Variants in RPL17 observed in about 807,000 individuals in gnomAD.
RPL17 encodes ribosomal protein L17, also known as large ribosomal subunit protein uL22.
Under a neutral mutation model 27.7 loss-of-function variants are expected in RPL17, and 2 were observed. That is an observed-to-expected ratio of 0.07 (90% confidence interval 0.03 to 0.23). RPL17 has a LOEUF of 0.23. RPL17 is among the 10% of genes least tolerant of loss of function. RPL17 has a pLI of 1.00. For synonymous variants in RPL17, 76 were observed against 75.5 expected (o/e 1.01, Z -0.03); for missense variants, 141 against 238.8 (o/e 0.59, Z 2.70).
chr18:49,489,064 A>T (rs563605481), intron 6 of RPL17: 1 of 280,994 alleles, frequency 3.6e-6, no homozygotes, highest in African/African-American at 2.2e-5. Context: ...ACGCCCAGCT[A>T]ATTTTTTTTT....
intron 1 of RPL17, 67 bp downstream of exon 1, chr18:49,492,391 C>G (rs1036268398): frequency 6.6e-6 from 1 of 152,500 alleles, no homozygotes; most frequent in African/African-American, 2.4e-5. Flanking sequence ...GCCGGCGCCC[C>G]CGAAGCCAGG....
rs1362637179 is a variant in RPL17, at chr18:49,489,656, G to A, written c.316-106C>T. The stretch of plus-strand genomic sequence containing the variant: ...ATTCCCAGGCTTGCTCCAGAGTCCT[G>A]CCTCAATGAAATCATTTTTAAAAGG... On this transcript the variant is annotated intron_variant, in intron 5 of 6. Coordinates refer to ENST00000580261, the MANE Select transcript of RPL17 (RefSeq NM_001035006.5). 2.0e-5 allele frequency: 24 copies of A among 1,185,974 alleles called. No homozygotes were observed. In the East Asian group the frequency reaches 3.7e-4, roughly 18 times the overall value. 73.5% of individuals were successfully genotyped at this position (1,185,974 alleles called of 1,614,324 possible).
rs975534555 is a variant in RPL17 at position 49,490,710 on chromosome 18, G to T, written c.216+83C>A. On this transcript the variant is annotated intron_variant, in intron 4 of 6. Coordinates refer to ENST00000580261, the MANE Select transcript of RPL17 (RefSeq NM_001035006.5). ...ACAGCAACCAGAAATAGGTTCATCA[G>T]CACAGATCTTAGCCATTCTTATCCT... The T allele has an allele frequency of 2.5e-6, 4 of 1,602,212 alleles. No homozygotes were observed. In the African/African-American group the frequency reaches 5.4e-5, roughly 21 times the overall value.
intron 5 of RPL17, 44 bp downstream of exon 5, chr18:49,490,410 T>G (rs780070455): frequency 1.3e-6 from 2 of 1,598,838 alleles, no homozygotes; most frequent in Admixed American, 1.7e-5. Context: ...CAACATTAAT[T>G]AAACAACCAC....
Position 49,492,098 on chromosome 18 carries a change from C to A in RPL17, c.-14+360G>T, listed in dbSNP as rs373998399. The A allele has an allele frequency of 2.2e-4, 45 of 205,158 alleles. No individual in the cohort carries two copies. In the South Asian group the frequency reaches 3.4e-3, roughly 16 times the overall value. The allele number at this position is 205,158 out of a possible 1,614,324, so 12.7% of individuals were successfully genotyped here. On this transcript the variant is annotated intron_variant, in intron 1 of 6. Coordinates refer to ENST00000580261, the MANE Select transcript of RPL17 (RefSeq NM_001035006.5). ...GCCTCCACCCGACTTTTCTTTCCCC[C>A]AAAACTTTTTCCTCGTTGCGGCCAC...
rs779684897 is a variant in RPL17, at chr18:49,490,511, C to G, written c.258G>C (p.Lys86Asn). The G allele has an allele frequency of 6.2e-7, 1 of 1,613,976 alleles. No homozygotes were observed. The highest frequency in any genetic ancestry group is 2.2e-5 in the East Asian group (1 of 44,888). Residue 86 changes from lysine (K) to asparagine (N), a missense_variant, in exon 5 of 7, where the codon AAG (lysine) becomes AAC (asparagine). Physicochemically the swap from Lys to Asn is moderately conservative, Grantham distance 94. Transcript: ENST00000580261. ...WGWTQGRWPK[K>N]SAEFLLHMLK... ...GCATGTGCAGCAAAAATTCAGCACT[C>G]TTTTTGGGCCACCGACCTTGTGTCC... is the stretch of plus-strand genomic sequence containing the variant.
chr18:49,491,022 G>C, intron 3 of RPL17, 95 bp from the exon 4 acceptor site: 2 of 1,568,040 alleles, frequency 1.3e-6, no homozygotes, highest in South Asian at 1.1e-5. Flanking sequence ...TCAAAATGTC[G>C]AGTTATTTCT....
At chr18:49,489,622 T>C in intron 5 of RPL17, 72 bp from the exon 6 acceptor site, 1 of 1,485,762 alleles carries the variant, frequency 6.7e-7, no homozygotes, top group Admixed American at 1.8e-5. Context: ...CTATCATTGC[T>C]AAATATGAAT....
At chr18:49,490,240 C>G (rs920057718) in intron 5 of RPL17, 11 of 540,550 alleles carry the variant, frequency 2.0e-5, no homozygotes, top group Non-Finnish European at 3.6e-5. Flanking sequence ...AAAGAGACCA[C>G]AGAGCACGCT....
At chr18:49,491,508 G>A (rs1283664745) in intron 2 of RPL17, 24 bp downstream of exon 2, 10 of 1,614,116 alleles carry the variant, frequency 6.2e-6, no homozygotes, top group Non-Finnish European at 8.5e-6. Flanking sequence ...GTAGGAAATG[G>A]GTATCTACCT....
chr18:49,492,216 C>G (rs1432122142), intron 1 of RPL17: 3 of 155,044 alleles, frequency 1.9e-5, no homozygotes, highest in African/African-American at 7.2e-5. Flanking sequence ...AGTGGAGGAG[C>G]CCGGTAGTCC....
chr18:49,491,155 G>A, intron 3 of RPL17: 1 of 890,376 alleles, frequency 1.1e-6, no homozygotes, highest in East Asian at 2.4e-5. Flanking sequence ...CCATCATCAT[G>A]TAATTACAAT....
chr18:49,491,067 GACTAAAAGC>G, intron 3 of RPL17, 140 bp from the exon 4 acceptor site: 1 of 1,371,676 alleles, frequency 7.3e-7, no homozygotes. Flanking sequence ...AAAAACTTGT[GACTAAAAGC>G]CAGGTAAACT....
rs2148817374 is a variant in RPL17, at chr18:49,489,345, A to G, written c.507+14T>C. 1 of 1,613,722 alleles carries G rather than the reference A, an allele frequency of 6.2e-7. No homozygotes were observed. ...TCTACTATCACAAACAAAACCGAGC[A>G]ACTACTTATTTACCTTTTTCTTCTG... On this transcript the variant is annotated intron_variant, in intron 6 of 6. Coordinates refer to ENST00000580261, the MANE Select transcript of RPL17 (RefSeq NM_001035006.5).
chr18:49,491,747 A>C, intron 1 of RPL17, 163 bp from the exon 2 acceptor site: 1 of 946,914 alleles, frequency 1.1e-6, no homozygotes, highest in Non-Finnish European at 1.7e-6. Flanking sequence ...TTCCCCCACC[A>C]AGGGCTTGCT....
intron 3 of RPL17, 54 bp downstream of exon 3, chr18:49,491,351 C>A: frequency 1.2e-6 from 2 of 1,613,362 alleles, no homozygotes; most frequent in Non-Finnish European, 8.5e-7. Context: ...ACTGCAGCTA[C>A]CTTTTTTGAG....
At chr18:49,488,934 T>A (rs1237019703) in intron 6 of RPL17, among the ~76,000 whole-genome samples, 4 of 151,562 alleles carry the variant, frequency 2.6e-5, no homozygotes, top group African/African-American at 9.7e-5. Flanking sequence ...CGTCTCGCTC[T>A]GTCACCCAGG....
At chr18:49,490,354 G>A (rs2083969855) in intron 5 of RPL17, 100 bp downstream of exon 5, 5 of 1,283,202 alleles carry the variant, frequency 3.9e-6, no homozygotes, top group Admixed American at 2.2e-5. Context: ...AATCCTAAGA[G>A]TTAATTACTG....
At chr18:49,489,602 A>G (rs745539101) in intron 5 of RPL17, 52 bp from the exon 6 acceptor site, 4 of 1,556,940 alleles carry the variant, frequency 2.6e-6, no homozygotes, top group Non-Finnish European at 3.5e-6. Flanking sequence ...AATTAGTAAA[A>G]CACCACAAAC....
Sources: gnomAD v4.1 joint callset for allele counts (sites outside exome capture counted in the v4.1 genomes callset) on GRCh38, gnomAD v4.1.1 for gene constraint, MANE v1.5 for transcripts, NCBI Gene and HGNC (gene_info 2026-07-23, HGNC 2026-07-21) for gene names.